TCF3: variants seen among roughly 807,000 people sequenced by gnomAD.
TCF3 encodes the protein transcription factor E2-alpha.
In TCF3, 54 loss-of-function variants were observed where a neutral mutation model predicts 72.3. The ratio of observed to expected loss-of-function variants is 0.75; its 90% confidence interval spans 0.60 to 0.94. TCF3 has a LOEUF of 0.94. TCF3 is among the 40% of genes least tolerant of loss of function. The pLI is 0.00. For missense variants in TCF3, 1,078 were observed against 934.4 expected, an observed-to-expected ratio of 1.15 and a Z score of -2.00; for synonymous variants, 525 against 412.6, an observed-to-expected ratio of 1.27 and a Z score of -3.30.
At position 1,622,370 on chromosome 19, in the gene TCF3, C is replaced by T. The variant is rs143406385; in HGVS notation, c.595G>A (p.Ala199Thr). The change falls in exon 9 of 19, where the codon GCC becomes ACC. Residue 199 changes from alanine (A) to threonine (T), a missense_variant. Physicochemically the swap from Ala to Thr is moderately conservative, Grantham distance 58. Coordinates refer to ENST00000262965, the MANE Select transcript of TCF3 (RefSeq NM_003200.5). ...SGEDYGRDAT[A>T]YPSAKTPSST... The stretch of plus-strand genomic sequence containing the variant: ...CTGGGGGTCTTGGCGGACGGGTAGG[C>T]GGTGGCATCCCTGCCGTAGTCCTCA... The T allele has an allele frequency of 5.0e-5, 63 of 1,263,210 alleles. No individual in the cohort carries two copies. In the South Asian group the frequency reaches 7.6e-4, roughly 15 times the overall value. 78.3% of individuals were successfully genotyped at this position (1,263,210 alleles called of 1,614,324 possible). A position where few individuals can be genotyped will look rare whatever the true frequency, so the allele number is the denominator to read the frequency against.
rs1327800188 is a variant in TCF3, at chr19:1,625,684, C to G, written c.391G>C (p.Ala131Pro). 2.0e-6 allele frequency: 3 copies of G among 1,518,078 alleles called. No individual in the cohort carries two copies. The East Asian group carries it at 7.9e-5, about 40-fold the overall frequency. 94.0% of individuals were successfully genotyped at this position (1,518,078 alleles called of 1,614,324 possible). ...TQAGFLSGEL[A>P]LNSPGPLSPS... is the part of the protein sequence containing the mutation. ...GACAGGGGCCCGGGGCTGTTGAGGG[C>G]CAGCTCGCCTGACAGGAAGCCAGCC... The change falls in exon 7 of 19, where the codon GCC becomes CCC. Residue 131 changes from alanine (A) to proline (P), a missense_variant. By Grantham distance (27) the Ala-to-Pro change is conservative. Transcript: ENST00000262965.
intron 3 of TCF3, among the ~76,000 whole-genome samples, chr19:1,643,761 T>C (rs1006261113): frequency 3.3e-5 from 5 of 152,262 alleles, no homozygotes; most frequent in Non-Finnish European, 5.9e-5. Flanking sequence ...GGAAAACTTA[T>C]GTTTAATTAA....
intron 3 of TCF3, among the ~76,000 whole-genome samples, chr19:1,638,653 G>T (rs1442526961): frequency 6.6e-6 from 1 of 152,140 alleles, no homozygotes; most frequent in Non-Finnish European, 1.5e-5. Flanking sequence ...CACTTCGGAC[G>T]TTGAGAGCGC....
At position 1,619,457 on chromosome 19, in the gene TCF3, G is replaced by A; in HGVS notation, c.1185C>T (p.Asp395=). The A allele has an allele frequency of 6.3e-7, 1 of 1,583,358 alleles. No individual in the cohort carries two copies. The highest frequency in any genetic ancestry group is 8.5e-7 in the Non-Finnish European group (1 of 1,169,646). The change falls in exon 15 of 19, where the codon GAC becomes GAT. Residue 395 remains aspartate (D), a synonymous_variant. Transcript: ENST00000262965. ...GLHGLQSKIE[D]HLDEAIHVLR... is the part of the protein sequence containing the mutation. ...GCACGTGGATGGCCTCGTCCAGGTG[G>A]TCTTCTATCTTACTCTGCTGCAGGG...
chr19:1,612,836 A>G (rs1349867487), intron 18 of TCF3, among the ~76,000 whole-genome samples: 1 of 147,928 alleles, frequency 6.8e-6, no homozygotes, highest in African/African-American at 2.5e-5. Flanking sequence ...CAGGCACTGC[A>G]GTGCAGGTAC....
chr19:1,633,024 G>C (rs2063900499), intron 3 of TCF3, among the ~76,000 whole-genome samples: 7 of 147,832 alleles, frequency 4.7e-5, no homozygotes, highest in Admixed American at 4.0e-4. Flanking sequence ...CCAGTGTGGA[G>C]ACCAGAAGCC....
intron 2 of TCF3, among the ~76,000 whole-genome samples, chr19:1,649,767 A>T (rs1180348261): frequency 1.3e-5 from 2 of 152,040 alleles, no homozygotes; most frequent in African/African-American, 2.4e-5. Context: ...CTCACTGTCA[A>T]CCAGACTGGA....
At chr19:1,644,391 C>A (rs182252399) in intron 3 of TCF3, among the ~76,000 whole-genome samples, 3 of 144,342 alleles carry the variant, frequency 2.1e-5, no homozygotes, top group Admixed American at 6.8e-5. Flanking sequence ...ATGGACTGAA[C>A]GGGGAGGGGG....
At chr19:1,650,610 G>C (rs1568534167) in intron 1 of TCF3, 1 of 277,364 alleles carries the variant, frequency 3.6e-6, no homozygotes, top group Non-Finnish European at 6.8e-6. Flanking sequence ...ACTGCACGCA[G>C]GGCAGCCAGA....
At chr19:1,643,258 T>C (rs1490866871) in intron 3 of TCF3, among the ~76,000 whole-genome samples, 1 of 152,238 alleles carries the variant, frequency 6.6e-6, no homozygotes, top group African/African-American at 2.4e-5. Context: ...TCTGGCTCTG[T>C]CACCCAGGCT....
chr19:1,630,598 G>A (rs552460797), intron 5 of TCF3, among the ~76,000 whole-genome samples: 3 of 152,284 alleles, frequency 2.0e-5, no homozygotes, highest in South Asian at 2.1e-4. Flanking sequence ...CACAGCTCCC[G>A]GCTTCTAAGC....
chr19:1,649,659 G>A (rs1386047690), intron 2 of TCF3, among the ~76,000 whole-genome samples: 1 of 152,114 alleles, frequency 6.6e-6, no homozygotes, highest in Non-Finnish European at 1.5e-5. Flanking sequence ...CTGGCCTCAA[G>A]CGATCCTCCC....
At chr19:1,620,564 T>C (rs909381215) in intron 13 of TCF3, among the ~76,000 whole-genome samples, 4 of 152,214 alleles carry the variant, frequency 2.6e-5, no homozygotes, top group African/African-American at 9.6e-5. Flanking sequence ...GGCACGCCAA[T>C]GTCCCCTCAT....
At chr19:1,631,218 G>A (rs2063672850) in intron 5 of TCF3, among the ~76,000 whole-genome samples, 2 of 151,858 alleles carry the variant, frequency 1.3e-5, no homozygotes, top group Non-Finnish European at 2.9e-5. Context: ...AGAGGATGGC[G>A]CTTGCCCAGG....
At chr19:1,623,575 G>A (rs546037044) in intron 8 of TCF3, among the ~76,000 whole-genome samples, 2 of 152,116 alleles carry the variant, frequency 1.3e-5, no homozygotes, top group Non-Finnish European at 2.9e-5. Flanking sequence ...GTAGAGATGG[G>A]GTTTCACCAT....
At chr19:1,646,015 T>C (rs2066033251) in intron 3 of TCF3, among the ~76,000 whole-genome samples, 1 of 152,016 alleles carries the variant, frequency 6.6e-6, no homozygotes, top group Admixed American at 6.6e-5. Context: ...CCTTATGGAT[T>C]GACTGGAGAA....
chr19:1,633,629 G>C (rs190292240), intron 3 of TCF3, among the ~76,000 whole-genome samples: 1 of 152,140 alleles, frequency 6.6e-6, no homozygotes, highest in Non-Finnish European at 1.5e-5. Context: ...ATATTCATGC[G>C]CCTCATTTAG....
chr19:1,626,487 A>C (rs1447296858), intron 6 of TCF3, among the ~76,000 whole-genome samples: 1 of 150,186 alleles, frequency 6.7e-6, no homozygotes, highest in African/African-American at 2.4e-5. Flanking sequence ...ATCATCATCC[A>C]GTGGCCCCAC....
chr19:1,615,612 GGTGTGCGTGTGGCCT>G lies in TCF3; in HGVS notation c.1586+59_1586+73del. 6.2e-7 allele frequency: 1 copy of G among 1,609,584 alleles called. No homozygotes were observed. The highest frequency in any genetic ancestry group is 8.5e-7 in the Non-Finnish European group (1 of 1,179,772). ...GCCGACGGCCTCCCAGTGTGGGTGC[GGTGTGCGTGTGGCCT>G]GTGCACATGTGCGTCCTGATGGGGT... On this transcript the variant is annotated intron_variant, in intron 17 of 18. Transcript: ENST00000262965. This position sits in a 1 kb window ranked among gnomAD's most constrained non-coding sequence, Gnocchi z 7.3.
Sources: allele counts gnomAD v4.1 joint callset (sites outside exome capture counted in the v4.1 genomes callset), GRCh38; gene constraint gnomAD v4.1.1; non-coding constraint Gnocchi (gnomAD v3.1); transcripts MANE v1.5; gene names NCBI Gene and HGNC (gene_info 2026-07-23, HGNC 2026-07-21).